APBB2: variants seen among roughly 807,000 people sequenced by gnomAD.
APBB2 encodes Fe65-like 1.
A neutral mutation model predicts 82.5 loss-of-function variants in APBB2; 38 were observed. The ratio of observed to expected loss-of-function variants is 0.46; its 90% CI spans 0.36 to 0.60. The LOEUF (loss-of-function observed/expected upper bound fraction) is 0.60, where lower values mean the gene tolerates loss of function less well. APBB2 is among the 20% of genes least tolerant of loss of function. The pLI is 0.00. For synonymous variants in APBB2, 341 were observed against 368.2 expected (o/e 0.93, Z 0.85); for missense variants, 772 against 972.3 (o/e 0.79, Z 2.74).
intron 1 of APBB2, among the ~76,000 whole-genome samples, chr4:41,183,443 A>T (rs1300445409): frequency 6.6e-6 from 1 of 152,216 alleles, no homozygotes; most frequent in Non-Finnish European, 1.5e-5. Context: ...ATTCAGAAAT[A>T]ATGTCATTGC....
At chr4:40,963,250 T>C (rs1436709340) in intron 6 of APBB2, among the ~76,000 whole-genome samples, 1 of 152,160 alleles carries the variant, frequency 6.6e-6, no homozygotes, top group Non-Finnish European at 1.5e-5. Context: ...TTTTCTTCCT[T>C]TCTTTTTTTT....
chr4:41,036,630 GAAAATGCAAC>G (rs1340834726), intron 4 of APBB2, among the ~76,000 whole-genome samples: 3 of 152,140 alleles, frequency 2.0e-5, no homozygotes, highest in African/African-American at 7.2e-5. Flanking sequence ...AGGTGTAAGA[GAAAATGCAAC>G]AAAAAACCAC....
rs188952602 is a variant in APBB2 at position 41,020,882 on chromosome 4, G to C, written c.20-6484C>G. 3.7e-3 allele frequency among the ~76,000 whole-genome samples: 569 copies of C among 152,264 alleles called. 6 individuals carry two copies. The highest frequency in any genetic ancestry group is 0.013 in the African/African-American group (553 of 41,538). Reference sequence around the variant, plus strand: ...AGGAGGACTGCTGCACCTTCTTAGGGGAAGAGTGTTGTTTTTACACTAACA... The same window carrying C: ...AGGAGGACTGCTGCACCTTCTTAGGCGAAGAGTGTTGTTTTTACACTAACA... On this transcript the variant is annotated intron_variant, in intron 5 of 17. Coordinates refer to ENST00000508593, the MANE Select transcript of APBB2 (RefSeq NM_004307.2).
rs1771592247 is a variant in APBB2 at position 40,890,288 on chromosome 4, C to A, written c.1529+76G>T. On this transcript the variant is annotated intron_variant, in intron 12 of 17. Transcript: ENST00000508593. The stretch of plus-strand genomic sequence containing the variant: ...GAGTTTCGTATTCCGTGAAATGCTG[C>A]GAGCCCATGCTTTGGTGTTCAGCTA... 6 of 1,521,386 alleles carry A rather than the reference C, an allele frequency of 3.9e-6. No homozygotes were observed. In the East Asian group the frequency reaches 1.2e-4, roughly 30 times the overall value. 94.2% of individuals were successfully genotyped at this position (1,521,386 alleles called of 1,614,324 possible).
chr4:40,992,992 T>C (rs1433300068), intron 6 of APBB2, among the ~76,000 whole-genome samples: 1 of 152,264 alleles, frequency 6.6e-6, no homozygotes, highest in Non-Finnish European at 1.5e-5. Context: ...TCTCTCTCTG[T>C]GCTTTTCCTT....
intron 1 of APBB2, among the ~76,000 whole-genome samples, chr4:41,191,022 C>A (rs17443333): frequency 0.13 from 19,208 of 152,140 alleles, 1,263 homozygotes; most frequent in Non-Finnish European, 0.15. Context: ...CTGATCGATT[C>A]AATTCTCTCT....
intron 7 of APBB2, among the ~76,000 whole-genome samples, chr4:40,943,121 C>G (rs926564161): frequency 6.6e-6 from 1 of 152,150 alleles, no homozygotes; most frequent in African/African-American, 2.4e-5. Flanking sequence ...ATCTCAAAGC[C>G]AGGGGAGCTA....
chr4:40,923,733 AG>A (rs1043701378), intron 10 of APBB2, among the ~76,000 whole-genome samples: 39 of 152,256 alleles, frequency 2.6e-4, no homozygotes, highest in African/African-American at 9.4e-4. Flanking sequence ...TGCCCATCAG[AG>A]GGCGCAGCTG....
intron 12 of APBB2, among the ~76,000 whole-genome samples, chr4:40,879,610 CAG>C (rs746165962): frequency 6.6e-5 from 10 of 152,006 alleles, no homozygotes; most frequent in Non-Finnish European, 1.2e-4. Flanking sequence ...ATTAAAAAGA[CAG>C]AATAATACTA....
At chr4:40,970,975 C>T (rs1177198643) in intron 6 of APBB2, among the ~76,000 whole-genome samples, 7 of 152,204 alleles carry the variant, frequency 4.6e-5, no homozygotes, top group African/African-American at 1.7e-4. Context: ...AATAACTAAA[C>T]AGTCCCCTTC....
At chr4:41,167,294 A>G (rs1340508006) in intron 1 of APBB2, among the ~76,000 whole-genome samples, 1 of 152,164 alleles carries the variant, frequency 6.6e-6, no homozygotes, top group Non-Finnish European at 1.5e-5. Flanking sequence ...TGTAGGCATG[A>G]TTGGTTAAAT....
chr4:40,863,891 CAAA>C (rs60135616), intron 12 of APBB2, among the ~76,000 whole-genome samples: 21 of 32,998 alleles, frequency 6.4e-4, no homozygotes, highest in African/African-American at 2.3e-3. Flanking sequence ...GAGACTGTCT[CAAA>C]AAAAAAAAAA....
chr4:41,038,259 T>C (rs1320321884), intron 4 of APBB2, among the ~76,000 whole-genome samples: 1 of 151,962 alleles, frequency 6.6e-6, no homozygotes, highest in Admixed American at 6.6e-5. Flanking sequence ...AAATGCCCTC[T>C]TGTCATTTGA....
chr4:40,995,396 GAC>G (rs1399818078), intron 6 of APBB2, among the ~76,000 whole-genome samples: 3 of 151,810 alleles, frequency 2.0e-5, no homozygotes, highest in African/African-American at 7.3e-5. Context: ...TTTTTTTTGA[GAC>G]AGAGTCTTGC....
intron 6 of APBB2, among the ~76,000 whole-genome samples, 193 bp from the exon 7 acceptor site, chr4:40,945,266 A>T (rs1057473532): frequency 6.6e-6 from 1 of 152,186 alleles, no homozygotes; most frequent in Non-Finnish European, 1.5e-5. Context: ...ATATGGAAAC[A>T]AGTATAAGAA....
In APBB2 at chr4:40,975,753, AACACACACACAC is replaced by A. The variant is rs368424451; in HGVS notation, c.836-30692_836-30681del. On this transcript the variant is annotated intron_variant, in intron 6 of 17. Transcript: ENST00000508593. ...ATAAAGAATTTAAATGTAGTAAGAA[AACACACACACAC>A]ACACACACACACACACACACACACA... 3.6e-4 allele frequency among the ~76,000 whole-genome samples: 51 copies of A among 142,096 alleles called. 1 individual carries two copies. Among genetic ancestry groups the A allele is most frequent in the African/African-American group, 1.3e-3 (50 of 38,304 alleles). 93.2% of individuals were successfully genotyped at this position (142,096 alleles called of 152,430 possible). A position where few individuals can be genotyped will look rare whatever the true frequency, so the allele number is the denominator to read the frequency against.
intron 7 of APBB2, among the ~76,000 whole-genome samples, chr4:40,941,000 C>T (rs1054161209): frequency 4.6e-5 from 7 of 152,218 alleles, no homozygotes; most frequent in Admixed American, 1.3e-4. Flanking sequence ...GCATATGCAG[C>T]GGAAACATTA....
chr4:41,175,832 T>A (rs983064187), intron 1 of APBB2, among the ~76,000 whole-genome samples: 4 of 152,110 alleles, frequency 2.6e-5, no homozygotes, highest in African/African-American at 9.7e-5. Context: ...AGGCAAATCA[T>A]AAAAATCTAG....
chr4:40,960,147 T>A (rs961425555), intron 6 of APBB2, among the ~76,000 whole-genome samples: 10 of 152,116 alleles, frequency 6.6e-5, no homozygotes, highest in Non-Finnish European at 7.3e-5. Flanking sequence ...TTTTAGACTA[T>A]GGATGGGGAG....
Sources: allele counts gnomAD v4.1 joint callset (sites outside exome capture counted in the v4.1 genomes callset), GRCh38; gene constraint gnomAD v4.1.1; transcripts MANE v1.5; gene names NCBI Gene and HGNC (gene_info 2026-07-23, HGNC 2026-07-21).